The following ATM variants were observed in gnomAD, a reference collection of about 807,000 sequenced individuals.
ATM encodes serine-protein kinase ATM.
Under a neutral mutation model 387.0 loss-of-function variants are expected in ATM, and 308 were observed. That is an observed-to-expected ratio of 0.80 (90% confidence interval 0.73 to 0.87). ATM has a LOEUF of 0.87. Ranked by LOEUF, ATM falls within the 40% of genes least tolerant of loss-of-function variation. The pLI, the probability that ATM is intolerant of heterozygous loss-of-function variation, is 0.00. For missense variants in ATM, 3,312 were observed against 3,560.9 expected (o/e 0.93, Z 1.78); for synonymous variants, 1,156 against 1,187.3 (o/e 0.97, Z 0.54).
At chr11:108,272,289 A>G (rs2081623908) in intron 20 of ATM, among the ~76,000 whole-genome samples, 1 of 152,222 alleles carries the variant, frequency 6.6e-6, no homozygotes, top group African/African-American at 2.4e-5. Context: ...ATTCTATGGT[A>G]GCCCCCAAAA....
At position 108,321,327 on chromosome 11, in the gene ATM, A is replaced by AGC. The variant is rs1057516905; in HGVS notation, c.6482_6483dup (p.Ser2162AlafsTer74). On this transcript the variant is annotated frameshift_variant, in exon 45 of 63. Coordinates refer to ENST00000675843, the MANE Select transcript of ATM (RefSeq NM_000051.4). LOFTEE classifies it high-confidence loss of function. ...GTAAAAGAAGTGGAAGAGATGTGTA[A>AGC]GCGCAGCCTTGAGTCTGTGTATTCG... is the stretch of plus-strand genomic sequence containing the variant. 1 of 1,614,140 alleles carries AGC rather than the reference A, an allele frequency of 6.2e-7. No homozygotes were observed. Among genetic ancestry groups the AGC allele is most frequent in the East Asian group, 2.2e-5 (1 of 44,884 alleles).
chr11:108,356,514 C>T (rs552363263), intron 61 of ATM, among the ~76,000 whole-genome samples: 4 of 137,666 alleles, frequency 2.9e-5, no homozygotes, highest in African/African-American at 5.4e-5. Context: ...CCAGCCTGGG[C>T]GACAAGAGCA....
At chr11:108,287,784 C>T (rs774156472) in intron 27 of ATM, 69 bp downstream of exon 27, 46 of 1,089,710 alleles carry the variant, frequency 4.2e-5, no homozygotes, top group Non-Finnish European at 6.1e-5. Context: ...TATTGGTTGA[C>T]ACCTTCAATG....
At position 108,274,552 on chromosome 11, in the gene ATM, GAT is replaced by G. The variant is rs1418987764; in HGVS notation, c.3284+1701_3284+1702del. Among the ~76,000 whole-genome samples the G allele has an allele frequency of 2.6e-5, 4 of 152,302 alleles. No homozygotes were observed. The East Asian group carries it at 7.7e-4, about 29-fold the overall frequency. Reference sequence around the variant, plus strand: ...AACACTGCTTTAGCTGTGTCCCAGAGATTCTGGTACATTGTGTCTTTGTTCTT... The same window carrying G: ...AACACTGCTTTAGCTGTGTCCCAGAGTCTGGTACATTGTGTCTTTGTTCTT... On this transcript the variant is annotated intron_variant, in intron 22 of 62. Coordinates refer to ENST00000675843, the MANE Select transcript of ATM (RefSeq NM_000051.4).
At position 108,235,767 on chromosome 11, in the gene ATM, C is replaced by T. The variant is rs1416280463; in HGVS notation, c.429C>T (p.Asn143=). Residue 143 remains asparagine, a synonymous_variant, in exon 5 of 63, where the codon AAC becomes AAT. Coordinates refer to ENST00000675843, the MANE Select transcript of ATM (RefSeq NM_000051.4). ...NGAIYGADCS[N]ILLKDILSVR... The stretch of plus-strand genomic sequence containing the variant: ...CTATTTACGGAGCTGATTGTAGCAA[C>T]ATACTACTCAAAGACATTCTTTCTG... The T allele has an allele frequency of 6.2e-7, 1 of 1,613,660 alleles. No individual in the cohort carries two copies. The highest frequency in any genetic ancestry group is 1.7e-5 in the Admixed American group (1 of 60,022).
intron 49 of ATM, 25 bp from the exon 50 acceptor site, chr11:108,330,189 T>C (rs2136449719): frequency 6.2e-7 from 1 of 1,605,206 alleles, no homozygotes; most frequent in East Asian, 2.2e-5. Context: ...GGCTTTTGTG[T>C]TTTACCTTAA....
intron 24 of ATM, among the ~76,000 whole-genome samples, chr11:108,281,498 T>C (rs1591637773): frequency 6.6e-6 from 1 of 152,218 alleles, no homozygotes; most frequent in East Asian, 1.9e-4. Flanking sequence ...ATAGGTGTTT[T>C]GCCCGGTAGA....
At chr11:108,260,765 G>A (rs1012792326) in intron 16 of ATM, among the ~76,000 whole-genome samples, 17 of 152,022 alleles carry the variant, frequency 1.1e-4, no homozygotes, top group African/African-American at 3.9e-4. Flanking sequence ...GACAGTGGGC[G>A]CAGGTCAGTG....
intron 59 of ATM, among the ~76,000 whole-genome samples, chr11:108,351,942 C>T (rs1265593103): frequency 1.3e-5 from 2 of 152,164 alleles, no homozygotes; most frequent in African/African-American, 4.8e-5. Context: ...TTCAGCCCTA[C>T]TCAGCTATAG....
At chr11:108,252,183 A>G (rs1200517927) in intron 11 of ATM, 152 bp downstream of exon 11, 2 of 750,082 alleles carry the variant, frequency 2.7e-6, no homozygotes, top group Non-Finnish European at 4.2e-6. Context: ...TTGTTTTTAC[A>G]GTTATCTGTG....
intron 16 of ATM, 34 bp downstream of exon 16, chr11:108,259,109 G>T: frequency 1.3e-6 from 2 of 1,528,602 alleles, no homozygotes; most frequent in South Asian, 2.3e-5. Context: ...ATCATATTTT[G>T]ATTCTAATAG....
chr11:108,300,014 T>TTAAA (rs2083344904), intron 34 of ATM, 129 bp downstream of exon 34: 1 of 886,576 alleles, frequency 1.1e-6, no homozygotes, highest in Non-Finnish European at 1.7e-6. Flanking sequence ...TTTATGAAAA[T>TTAAA]TCTTATATTT....
intron 61 of ATM, among the ~76,000 whole-genome samples, chr11:108,358,694 T>A (rs1202076051): frequency 6.7e-6 from 1 of 149,742 alleles, no homozygotes; most frequent in Non-Finnish European, 1.5e-5. Context: ...CCAGCCAAAC[T>A]AAGCTTCATC....
intron 48 of ATM, among the ~76,000 whole-genome samples, chr11:108,328,238 T>C (rs1359980271): frequency 6.6e-6 from 1 of 152,006 alleles, no homozygotes; most frequent in Non-Finnish European, 1.5e-5. Flanking sequence ...CATGATGCGA[T>C]TGTCTTTCTT....
intron 61 of ATM, among the ~76,000 whole-genome samples, chr11:108,358,628 G>A (rs1265060504): frequency 7.2e-6 from 1 of 138,570 alleles, no homozygotes; most frequent in African/African-American, 2.7e-5. Flanking sequence ...AGAAGAGAGT[G>A]GGGGCCAATA....
chr11:108,358,888 T>C (rs1207168613), intron 61 of ATM, among the ~76,000 whole-genome samples: 3 of 151,014 alleles, frequency 2.0e-5, no homozygotes, highest in Admixed American at 1.3e-4. Context: ...CTGCATCAAC[T>C]AACGAACAAA....
rs200381392 is a variant in ATM, at chr11:108,251,932, G to T, written c.1703G>T (p.Arg568Ile). 197 of 1,613,762 alleles carry T rather than the reference G, an allele frequency of 1.2e-4. No individual in the cohort carries two copies. Among genetic ancestry groups the T allele is most frequent in the Middle Eastern group, 4.9e-4 (3 of 6,082 alleles). The change falls in exon 11 of 63, where the codon AGA (arginine) becomes ATA (isoleucine). Residue 568 changes from arginine to isoleucine, a missense_variant. Physicochemically the swap from Arg to Ile is moderately conservative, Grantham distance 97. Coordinates refer to ENST00000675843, the MANE Select transcript of ATM (RefSeq NM_000051.4). Reference sequence around the variant, plus strand: ...GAGCAAAATATGTGTGAAGTAAATAGAAGCTTTTCTTTAAAGGAATCAATA... The same window carrying T: ...GAGCAAAATATGTGTGAAGTAAATATAAGCTTTTCTTTAAAGGAATCAATA... Reference protein sequence around the residue: ...GIEQNMCEVNRSFSLKESIMK... With the variant: ...GIEQNMCEVNISFSLKESIMK...
chr11:108,307,910 T>C lies in ATM; in HGVS notation c.5688T>C (p.Phe1896=), dbSNP rs2083815927. The part of the protein sequence containing the change: ...PANLDSESEH[F]FRCCLDKKSQ... ...TTTGTTTGTCAGAGTCAGAGCACTT[T>C]TTCCGATGCTGTTTGGATAAAAAAT... Residue 1896 remains phenylalanine, a synonymous_variant, in exon 38 of 63, where the codon TTT becomes TTC. Transcript: ENST00000675843. The C allele has an allele frequency of 6.2e-7, 1 of 1,613,624 alleles. No individual in the cohort carries two copies. Among genetic ancestry groups the C allele is most frequent in the African/African-American group, 1.3e-5 (1 of 74,924 alleles).
At chr11:108,261,754 A>G (rs1338711786) in intron 16 of ATM, among the ~76,000 whole-genome samples, 2 of 152,158 alleles carry the variant, frequency 1.3e-5, no homozygotes, top group African/African-American at 4.8e-5. Context: ...AGAAGAATGT[A>G]TAACTAGAAT....
Sources: allele counts gnomAD v4.1 joint callset (sites outside exome capture counted in the v4.1 genomes callset), GRCh38; gene constraint gnomAD v4.1.1; transcripts MANE v1.5; gene names NCBI Gene and HGNC (gene_info 2026-07-23, HGNC 2026-07-21).